The following UNC13B variants were observed in gnomAD, a reference collection of about 807,000 sequenced individuals.
UNC13B encodes unc-13 homolog B.
Under a neutral mutation model 211.0 loss-of-function variants are expected in UNC13B, and 144 were observed. That is an observed-to-expected ratio of 0.68 (90% CI 0.60 to 0.78). The LOEUF (loss-of-function observed/expected upper bound fraction) is 0.78, where lower values mean the gene tolerates loss of function less well. Among genes scored for constraint, UNC13B ranks in the 30% least tolerant of loss-of-function variants. The pLI is 0.00. For missense variants in UNC13B, 1,777 were observed against 2,002.0 expected (o/e 0.89, Z 2.14); for synonymous variants, 709 against 725.8 (o/e 0.98, Z 0.37).
At position 35,302,806 on chromosome 9, in the gene UNC13B, T is replaced by A; in HGVS notation, c.3402T>A (p.Val1134=). The change falls in exon 9 of 40, where the codon GTT becomes GTA. Residue 1134 remains valine, a synonymous_variant. Coordinates refer to ENST00000635942, the MANE Select transcript of UNC13B (RefSeq NM_001371189.2). Reference sequence around the variant, plus strand: ...TTAATGAAATTAATGAAGATGAGGTTATAGATAAGACTTCCAAGAAAAATA... The same window carrying A: ...TTAATGAAATTAATGAAGATGAGGTAATAGATAAGACTTCCAAGAAAAATA... ...TLVNEINEDE[V]IDKTSKKNTQ... 1 of 398,680 alleles carries A rather than the reference T, an allele frequency of 2.5e-6. No homozygotes were observed. The highest frequency in any genetic ancestry group is 4.4e-6 in the Non-Finnish European group (1 of 225,764). 24.7% of individuals were successfully genotyped at this position (398,680 alleles called of 1,614,324 possible).
intron 11 of UNC13B, among the ~76,000 whole-genome samples, chr9:35,340,359 G>A (rs1831912796): frequency 6.6e-6 from 1 of 152,208 alleles, no homozygotes; most frequent in Non-Finnish European, 1.5e-5. Context: ...GGGAAGCAAT[G>A]TTATTGGAAG....
chr9:35,268,224 G>C (rs1419896247), intron 7 of UNC13B, among the ~76,000 whole-genome samples: 2 of 152,238 alleles, frequency 1.3e-5, no homozygotes, highest in South Asian at 4.1e-4. Flanking sequence ...GGGAAGGAGT[G>C]ACCTCTCTTC....
At chr9:35,331,804 A>G (rs1430838820) in intron 11 of UNC13B, among the ~76,000 whole-genome samples, 3 of 151,946 alleles carry the variant, frequency 2.0e-5, no homozygotes, top group South Asian at 2.1e-4. Context: ...GATTCTCCCA[A>G]TTCTCTTCCT....
chr9:35,260,704 A>G (rs1564100183), intron 7 of UNC13B, among the ~76,000 whole-genome samples: 1 of 152,094 alleles, frequency 6.6e-6, no homozygotes, highest in Non-Finnish European at 1.5e-5. Context: ...GCTGTTTAGG[A>G]CCGAACATTT....
Position 35,399,665 on chromosome 9 carries a change from A to G in UNC13B, c.12272A>G (p.Glu4091Gly). 6.2e-7 allele frequency: 1 copy of G among 1,614,104 alleles called. No homozygotes were observed. Residue 4091 changes from glutamate to glycine, a missense_variant, in exon 36 of 40, where the codon GAG (glutamate) becomes GGG (glycine). Glu to Gly is a moderately conservative substitution (Grantham distance 98). Transcript: ENST00000635942. ...TCTGAACAGGATCACATGGTACGAG[A>G]GGAAACACGGAATCTCACTCCAAAG... Reference protein sequence around the residue: ...LSKLKDHMVREETRNLTPKQC... With the variant: ...LSKLKDHMVRGETRNLTPKQC...
At chr9:35,216,967 G>C (rs955650630) in intron 1 of UNC13B, among the ~76,000 whole-genome samples, 1 of 152,160 alleles carries the variant, frequency 6.6e-6, no homozygotes, top group Non-Finnish European at 1.5e-5. Context: ...ATGACAAAAT[G>C]ATGGAGATGG....
At chr9:35,384,696 C>T (rs958764469) in intron 22 of UNC13B, 38 of 985,206 alleles carry the variant, frequency 3.9e-5, no homozygotes, top group African/African-American at 1.6e-4. Context: ...CGTTTTCCAG[C>T]GGAGGTGTGA....
intron 11 of UNC13B, among the ~76,000 whole-genome samples, chr9:35,344,654 T>G (rs1007223096): frequency 3.3e-5 from 5 of 152,158 alleles, no homozygotes; most frequent in African/African-American, 4.8e-5. Flanking sequence ...CAAAACAGAT[T>G]AATGACAACA....
intron 11 of UNC13B, among the ~76,000 whole-genome samples, chr9:35,317,608 C>T (rs148272396): frequency 4.7e-5 from 7 of 148,674 alleles, no homozygotes; most frequent in South Asian, 2.2e-4. Context: ...TTGTAATCTC[C>T]GCCTCCCAGG....
chr9:35,360,257 T>C (rs867986007), intron 11 of UNC13B, among the ~76,000 whole-genome samples: 1 of 152,196 alleles, frequency 6.6e-6, no homozygotes, highest in Admixed American at 6.5e-5. Flanking sequence ...CAAGTTCCTA[T>C]CACATGTGAC....
At position 35,300,732 on chromosome 9, in the gene UNC13B, T is replaced by C; in HGVS notation, c.1328T>C (p.Ile443Thr). ...CTGTCTGAGTGCTCTATAGAAGAGATAACCCCTTCCTCTATTGAGGAGCCC... is the reference window on the plus strand; with the variant it reads ...CTGTCTGAGTGCTCTATAGAAGAGACAACCCCTTCCTCTATTGAGGAGCCC... ...GDLSECSIEEITPSSIEEPKE... is the reference protein window; with the variant it reads ...GDLSECSIEETTPSSIEEPKE... The change falls in exon 9 of 40, where the codon ATA (isoleucine) becomes ACA (threonine). Residue 443 changes from isoleucine to threonine, a missense_variant. Transcript: ENST00000635942. The C allele has an allele frequency of 2.5e-6, 1 of 398,992 alleles. No homozygotes were observed. Among genetic ancestry groups the C allele is most frequent in the Non-Finnish European group, 4.4e-6 (1 of 226,032 alleles). 24.7% of individuals were successfully genotyped at this position (398,992 alleles called of 1,614,324 possible). A position where few individuals can be genotyped will look rare whatever the true frequency, so the allele number is the denominator to read the frequency against.
chr9:35,222,713 A>G (rs1824629992), intron 1 of UNC13B, among the ~76,000 whole-genome samples: 3 of 152,248 alleles, frequency 2.0e-5, no homozygotes, highest in South Asian at 4.1e-4. Flanking sequence ...TGTTGGGAAC[A>G]TTTCAAATCT....
chr9:35,187,802 A>G (rs1263888793), intron 1 of UNC13B, among the ~76,000 whole-genome samples: 1 of 152,202 alleles, frequency 6.6e-6, no homozygotes, highest in East Asian at 1.9e-4. Context: ...AGAAAGTGGC[A>G]TTCTTTACTG....
intron 1 of UNC13B, among the ~76,000 whole-genome samples, chr9:35,209,629 C>T (rs975386534): frequency 2.6e-4 from 40 of 152,200 alleles, no homozygotes; most frequent in African/African-American, 8.9e-4. Context: ...CCGCCCACCT[C>T]GGCCTCCCAA....
chr9:35,251,499 A>G (rs965884547), intron 6 of UNC13B, among the ~76,000 whole-genome samples: 1 of 152,108 alleles, frequency 6.6e-6, no homozygotes, highest in African/African-American at 2.4e-5. Context: ...AGGCAGGAGA[A>G]TCACTTGAAC....
chr9:35,297,800 C>G lies in UNC13B; in HGVS notation c.761+1870C>G, dbSNP rs533154480. ...TCCTGACCTCGTGATTCACCCACCT[C>G]GGCCTCCCAAAGTGCTGGGATTACA... On this transcript the variant is annotated intron_variant, in intron 8 of 39. Coordinates refer to ENST00000635942, the MANE Select transcript of UNC13B (RefSeq NM_001371189.2). Among the ~76,000 whole-genome samples the G allele has an allele frequency of 9.3e-4, 141 of 151,208 alleles. 1 individual carries two copies. The highest frequency in any genetic ancestry group is 3.2e-3 in the African/African-American group (130 of 41,182).
rs1823230752 is a variant in UNC13B, at chr9:35,200,674, C to T, written c.23-27341C>T. ...TGTATAGGAATGCTTGTGATTTTTGCACATTGATTTTGTATCCTGAGACTT... is the reference window on the plus strand; with the variant it reads ...TGTATAGGAATGCTTGTGATTTTTGTACATTGATTTTGTATCCTGAGACTT... On this transcript the variant is annotated intron_variant, in intron 1 of 39. Coordinates refer to ENST00000635942, the MANE Select transcript of UNC13B (RefSeq NM_001371189.2). 2.6e-5 allele frequency among the ~76,000 whole-genome samples: 4 copies of T among 152,136 alleles called. No individual in the cohort carries two copies. In the South Asian group the frequency reaches 6.2e-4, roughly 24 times the overall value.
chr9:35,214,050 G>A (rs1824120331), intron 1 of UNC13B, among the ~76,000 whole-genome samples: 1 of 152,128 alleles, frequency 6.6e-6, no homozygotes, highest in Non-Finnish European at 1.5e-5. Context: ...ACTGGTGATA[G>A]CAGACTGAGT....
At chr9:35,185,965 C>CTCT (rs1339164437) in intron 1 of UNC13B, among the ~76,000 whole-genome samples, 1 of 151,772 alleles carries the variant, frequency 6.6e-6, no homozygotes, top group East Asian at 1.9e-4. Flanking sequence ...AAATAAAACT[C>CTCT]TAAGCCCTCC....
Sources: gnomAD v4.1 joint callset for allele counts (sites outside exome capture counted in the v4.1 genomes callset) on GRCh38, gnomAD v4.1.1 for gene constraint, MANE v1.5 for transcripts, NCBI Gene and HGNC (gene_info 2026-07-23, HGNC 2026-07-21) for gene names.